The following MRTFA variants were observed in gnomAD, a reference collection of about 807,000 sequenced individuals.
The protein encoded by MRTFA is myocardin-related transcription factor A.
Under a neutral mutation model 83.5 loss-of-function variants are expected in MRTFA, and 20 were observed. The ratio of observed to expected loss-of-function variants is 0.24; its 90% CI spans 0.17 to 0.35. The LOEUF (loss-of-function observed/expected upper bound fraction) is 0.35. Among genes scored for constraint, MRTFA ranks in the 10% least tolerant of loss-of-function variants. MRTFA has a pLI of 1.00. For synonymous variants in MRTFA, 659 were observed against 541.2 expected, an observed-to-expected ratio of 1.22 and a Z score of -3.02; for missense variants, 1,200 against 1,224.7, an observed-to-expected ratio of 0.98 and a Z score of 0.30.
At chr22:40,609,241 A>C (rs554531539) in intron 1 of MRTFA, among the ~76,000 whole-genome samples, 1 of 151,330 alleles carries the variant, frequency 6.6e-6, no homozygotes, top group African/African-American at 2.4e-5. Context: ...CAGTGTGCTG[A>C]GATCACACCA....
intron 3 of MRTFA, among the ~76,000 whole-genome samples, chr22:40,524,718 TTCCA>T (rs142270009): frequency 0.081 from 12,293 of 152,252 alleles, 724 homozygotes; most frequent in East Asian, 0.25. Context: ...ATCATTATGC[TTCCA>T]TCCATCTTCT....
At chr22:40,547,547 G>A (rs987275881) in intron 3 of MRTFA, among the ~76,000 whole-genome samples, 2 of 152,046 alleles carry the variant, frequency 1.3e-5, no homozygotes, top group African/African-American at 4.8e-5. Context: ...TAAGGGATAA[G>A]GGTAAGAAAT....
intron 4 of MRTFA, among the ~76,000 whole-genome samples, chr22:40,444,135 AAACAGG>A: frequency 2.6e-5 from 4 of 152,346 alleles, no homozygotes; most frequent in Middle Eastern, 6.8e-3. Flanking sequence ...GGGTCAGCTA[AAACAGG>A]AAAGAACATA....
intron 3 of MRTFA, among the ~76,000 whole-genome samples, chr22:40,476,155 AGGG>A (rs1181215772): frequency 6.9e-6 from 1 of 144,864 alleles, no homozygotes; most frequent in Non-Finnish European, 1.5e-5. Flanking sequence ...AAAAAAAAAA[AGGG>A]GGGGGGTCTT....
At chr22:40,550,722 GGC>G (rs1411131396) in intron 3 of MRTFA, among the ~76,000 whole-genome samples, 3 of 152,064 alleles carry the variant, frequency 2.0e-5, no homozygotes, top group Non-Finnish European at 2.9e-5. Context: ...AGACATATTT[GGC>G]AATGAAATAC....
intron 3 of MRTFA, among the ~76,000 whole-genome samples, chr22:40,502,280 C>T (rs1295872478): frequency 4.9e-4 from 64 of 130,828 alleles, no homozygotes; most frequent in Admixed American, 1.4e-3. Flanking sequence ...GGCTGCCGGG[C>T]GGAGGGGCTC....
chr22:40,415,899 C>A (rs1306510176), intron 14 of MRTFA, among the ~76,000 whole-genome samples: 9 of 152,224 alleles, frequency 5.9e-5, no homozygotes, highest in African/African-American at 2.2e-4. Flanking sequence ...ACTACTTGTC[C>A]TCCCGACCCC....
intron 3 of MRTFA, among the ~76,000 whole-genome samples, chr22:40,551,905 A>G (rs1027098029): frequency 2.0e-5 from 3 of 152,204 alleles, no homozygotes; most frequent in Non-Finnish European, 2.9e-5. Context: ...AAGCAGAGAA[A>G]TTAGAAAGAA....
At chr22:40,629,711 G>A (rs1183089238) in intron 1 of MRTFA, among the ~76,000 whole-genome samples, 1 of 147,596 alleles carries the variant, frequency 6.8e-6, no homozygotes, top group East Asian at 2.0e-4. Flanking sequence ...AGGATGCGGA[G>A]CTTGCAGTGA....
At chr22:40,426,543 A>C (rs563966373) in intron 7 of MRTFA, among the ~76,000 whole-genome samples, 1 of 152,244 alleles carries the variant, frequency 6.6e-6, no homozygotes, top group East Asian at 1.9e-4. Context: ...AGTCCCCAAC[A>C]ATCACCCCAT....
intron 1 of MRTFA, among the ~76,000 whole-genome samples, chr22:40,628,595 A>C (rs1321438285): frequency 6.6e-6 from 1 of 152,174 alleles, no homozygotes; most frequent in African/African-American, 2.4e-5. Flanking sequence ...AATGCATATC[A>C]ATAAGAATGA....
At chr22:40,605,914 A>G (rs958800208) in intron 1 of MRTFA, among the ~76,000 whole-genome samples, 3 of 152,210 alleles carry the variant, frequency 2.0e-5, no homozygotes, top group Non-Finnish European at 4.4e-5. Context: ...CTAAAGTCAG[A>G]TTAATTTTCA....
chr22:40,529,867 T>G (rs1236005350), intron 3 of MRTFA, among the ~76,000 whole-genome samples: 1 of 152,146 alleles, frequency 6.6e-6, no homozygotes. Context: ...AGTCCCCCAG[T>G]TCTCTATTCC....
chr22:40,527,261 A>G (rs1432508370), intron 3 of MRTFA, among the ~76,000 whole-genome samples: 1 of 152,042 alleles, frequency 6.6e-6, no homozygotes, highest in Non-Finnish European at 1.5e-5. Flanking sequence ...TATACTCACC[A>G]TACTGCCACC....
rs201337809 is a variant in MRTFA, at chr22:40,459,778, A to AATAT, written c.307+3439_307+3442dup. On this transcript the variant is annotated intron_variant, in intron 4 of 14. Transcript: ENST00000355630. ...CAGGCACTGGGGACGGGACTGATAA[A>AATAT]ATATACACACACACACACACACACA... is the stretch of plus-strand genomic sequence containing the variant. Among the ~76,000 whole-genome samples the AATAT allele has an allele frequency of 2.6e-3, 281 of 107,988 alleles. 11 individuals carry two copies. In the East Asian group the frequency reaches 0.063, roughly 24 times the overall value. The allele number at this position is 107,988 out of a possible 152,430, so 70.8% of individuals were successfully genotyped here. A position where few individuals can be genotyped will look rare whatever the true frequency, so the allele number is the denominator to read the frequency against.
intron 3 of MRTFA, among the ~76,000 whole-genome samples, chr22:40,529,784 T>G (rs1236424253): frequency 5.9e-5 from 9 of 152,198 alleles, no homozygotes; most frequent in African/African-American, 2.2e-4. Flanking sequence ...TCAAATCTTA[T>G]AATACTTTAT....
intron 1 of MRTFA, among the ~76,000 whole-genome samples, chr22:40,596,627 C>A (rs2147387313): frequency 6.6e-6 from 1 of 152,264 alleles, no homozygotes; most frequent in Admixed American, 6.5e-5. Context: ...CATGGTGAAA[C>A]CCTGTCTGTA....
chr22:40,500,430 G>A (rs1190556026), intron 3 of MRTFA, among the ~76,000 whole-genome samples: 1 of 134,984 alleles, frequency 7.4e-6, no homozygotes, highest in Non-Finnish European at 1.6e-5. Flanking sequence ...ATTCTTGGGT[G>A]TTTCTCACAG....
At chr22:40,572,320 G>A (rs1379363372) in intron 2 of MRTFA, among the ~76,000 whole-genome samples, 1 of 152,124 alleles carries the variant, frequency 6.6e-6, no homozygotes, top group Non-Finnish European at 1.5e-5. Context: ...CCATCAAATT[G>A]TACACTTTGC....
Sources: gnomAD v4.1 joint callset for allele counts (sites outside exome capture counted in the v4.1 genomes callset) on GRCh38, gnomAD v4.1.1 for gene constraint, MANE v1.5 for transcripts, NCBI Gene and HGNC (gene_info 2026-07-23, HGNC 2026-07-21) for gene names.